Variants in PSMD12 observed in about 807,000 individuals in gnomAD.
PSMD12 encodes the protein proteasome 26S subunit, non-ATPase 12, also known as 26S proteasome non-ATPase regulatory subunit 12.
A neutral mutation model predicts 62.9 loss-of-function variants in PSMD12; 8 were observed. The ratio of observed to expected loss-of-function variants is 0.13; its 90% CI spans 0.07 to 0.23. PSMD12 has a LOEUF of 0.23. Among genes scored for constraint, PSMD12 ranks in the 10% least tolerant of loss-of-function variants. The probability of loss-of-function intolerance (pLI) is 1.00; values close to 1 mark genes in which losing one functional copy is unlikely to be tolerated. For synonymous variants in PSMD12, 173 were observed against 187.4 expected (o/e 0.92, Z 0.63); for missense variants, 424 against 550.2 (o/e 0.77, Z 2.29).
At chr17:67,341,793 C>T (rs141908723) in intron 10 of PSMD12, among the ~76,000 whole-genome samples, 50 of 152,316 alleles carry the variant, frequency 3.3e-4, no homozygotes, top group African/African-American at 1.2e-3. Flanking sequence ...GACTCTGGTA[C>T]TCTCATTCAT....
Position 67,340,357 on chromosome 17 carries a change from C to T in PSMD12, c.*486G>A, listed in dbSNP as rs62085998. 0.22 allele frequency: 34,206 copies of T among 152,354 alleles called. 4,065 individuals are homozygous for T. The highest frequency in any genetic ancestry group is 0.28 in the Middle Eastern group (82 of 290). The allele number at this position is 152,354 out of a possible 1,614,324, so 9.4% of individuals were successfully genotyped here. On this transcript the variant is annotated 3_prime_UTR_variant, in exon 11 of 11. Coordinates refer to ENST00000356126, the MANE Select transcript of PSMD12 (RefSeq NM_002816.5). ...ATTCTTCACAAATCACAACTCTATCCCAAATGTTCTTGTATGCTCTATGTT... is the reference window on the plus strand; with the variant it reads ...ATTCTTCACAAATCACAACTCTATCTCAAATGTTCTTGTATGCTCTATGTT...
At chr17:67,351,067 G>C (rs114492493) in intron 3 of PSMD12, among the ~76,000 whole-genome samples, 1,580 of 152,196 alleles carry the variant, frequency 0.01, 25 homozygotes, top group African/African-American at 0.037. Flanking sequence ...GTTTGATCTA[G>C]ATTTTAAGCA....
At chr17:67,360,201 C>G (rs777167403) in intron 1 of PSMD12, among the ~76,000 whole-genome samples, 3 of 152,194 alleles carry the variant, frequency 2.0e-5, no homozygotes, top group Non-Finnish European at 4.4e-5. Context: ...TATTTAATGA[C>G]AGTCACCCAT....
rs1221186628 is a variant in PSMD12, at chr17:67,342,246, G to T, written c.1101C>A (p.Ala367=). The part of the protein sequence containing the change: ...RVVEHNIRIM[A]KYYTRITMKR... ...TCATTGTTATCCGAGTATAATACTT[G>T]GCCATTATTCTAATATTCTGGGGAG... The change falls in exon 10 of 11, where the codon GCC becomes GCA. Residue 367 remains alanine (A), a synonymous_variant. Transcript: ENST00000356126. The T allele has an allele frequency of 6.3e-7, 1 of 1,581,592 alleles. No individual in the cohort carries two copies.
chr17:67,338,038 CACTT>C lies in PSMD12; in HGVS notation c.*2801_*2804del, dbSNP rs1303830057. 2 of 152,106 alleles carry C rather than the reference CACTT, an allele frequency of 1.3e-5. No individual in the cohort carries two copies. Among genetic ancestry groups the C allele is most frequent in the African/African-American group, 2.4e-5 (1 of 41,424 alleles). 9.4% of individuals were successfully genotyped at this position (152,106 alleles called of 1,614,324 possible). Reference sequence around the variant, plus strand: ...AAATATGTACTTTTATCACATTTAACACTTACAAGAGAGAAAATGGAACTGTTTG... The same window carrying C: ...AAATATGTACTTTTATCACATTTAACACAAGAGAGAAAATGGAACTGTTTG... On this transcript the variant is annotated 3_prime_UTR_variant, in exon 11 of 11. Transcript: ENST00000356126.
intron 1 of PSMD12, among the ~76,000 whole-genome samples, chr17:67,365,948 C>A (rs2042174610): frequency 6.6e-6 from 1 of 152,144 alleles, no homozygotes; most frequent in Non-Finnish European, 1.5e-5. Flanking sequence ...CTGTGTTAGT[C>A]ATCTTCGTAC....
At chr17:67,346,081 T>C (rs1021261402) in intron 7 of PSMD12, among the ~76,000 whole-genome samples, 5 of 151,408 alleles carry the variant, frequency 3.3e-5, no homozygotes, top group Admixed American at 6.6e-5. Context: ...ACCCCATCTC[T>C]ACTAAAAATA....
In PSMD12 at chr17:67,339,711, A is replaced by G. The variant is rs1351867442; in HGVS notation, c.*1132T>C. 3 of 152,188 alleles carry G rather than the reference A, an allele frequency of 2.0e-5. No homozygotes were observed. Among genetic ancestry groups the G allele is most frequent in the African/African-American group, 7.2e-5 (3 of 41,442 alleles). 9.4% of individuals were successfully genotyped at this position (152,188 alleles called of 1,614,324 possible). On this transcript the variant is annotated 3_prime_UTR_variant, in exon 11 of 11. Coordinates refer to ENST00000356126, the MANE Select transcript of PSMD12 (RefSeq NM_002816.5). ...GACCTCACACTTTCTTTATTTAAGT[A>G]TCATTTTAAATAACCTTCTAACATT...
intron 3 of PSMD12, among the ~76,000 whole-genome samples, chr17:67,354,693 T>G (rs1251106405): frequency 6.6e-6 from 1 of 151,962 alleles, no homozygotes; most frequent in Non-Finnish European, 1.5e-5. Flanking sequence ...AAAGGCACAT[T>G]TAAGTAAATT....
At chr17:67,347,048 T>G in intron 7 of PSMD12, 68 bp downstream of exon 7, 1 of 1,481,000 alleles carries the variant, frequency 6.8e-7, no homozygotes, top group Non-Finnish European at 9.1e-7. Context: ...TAAAAAGATT[T>G]GAAAATAAAA....
chr17:67,350,424 C>G (rs1434705163), intron 3 of PSMD12, 88 bp from the exon 4 acceptor site: 2 of 949,788 alleles, frequency 2.1e-6, no homozygotes, highest in African/African-American at 1.7e-5. Context: ...AATGATCGAA[C>G]TTGGTCTTCC....
At chr17:67,364,221 G>A (rs2042159346) in intron 1 of PSMD12, among the ~76,000 whole-genome samples, 1 of 149,338 alleles carries the variant, frequency 6.7e-6, no homozygotes, top group Non-Finnish European at 1.5e-5. Flanking sequence ...TATTCAGCTG[G>A]CACACTGGCT....
chr17:67,355,245 C>T (rs1390982906), intron 3 of PSMD12: 1 of 152,084 alleles, frequency 6.6e-6, no homozygotes, highest in African/African-American at 2.4e-5. Context: ...GCGCCTGCCA[C>T]TACACTCAGC....
At chr17:67,357,957 T>C (rs1344710136) in intron 1 of PSMD12, among the ~76,000 whole-genome samples, 1 of 151,796 alleles carries the variant, frequency 6.6e-6, no homozygotes, top group Non-Finnish European at 1.5e-5. Context: ...AGTCTCACTC[T>C]TTCACCCAGG....
chr17:67,345,886 C>T, intron 7 of PSMD12, 29 bp from the exon 8 acceptor site: 1 of 1,535,434 alleles, frequency 6.5e-7, no homozygotes, highest in Non-Finnish European at 9.0e-7. Context: ...AAGTTATATG[C>T]AAGACTGGAC....
At chr17:67,344,456 G>T in intron 9 of PSMD12, 150 bp downstream of exon 9, 1 of 743,344 alleles carries the variant, frequency 1.3e-6, no homozygotes, top group South Asian at 2.4e-5. Context: ...CCTAAGTGAA[G>T]AATTAAACAC....
chr17:67,338,533 A>T lies in PSMD12; in HGVS notation c.*2310T>A, dbSNP rs1414776029. On this transcript the variant is annotated 3_prime_UTR_variant, in exon 11 of 11. Coordinates refer to ENST00000356126, the MANE Select transcript of PSMD12 (RefSeq NM_002816.5). ...TACAAATAGCACTGAATCATAATAC[A>T]CAAAGAGCCTAGTGTGTGTTAAAGA... 6.6e-6 allele frequency: 1 copy of T among 152,204 alleles called. No homozygotes were observed. Among genetic ancestry groups the T allele is most frequent in the African/African-American group, 2.4e-5 (1 of 41,438 alleles). The allele number at this position is 152,204 out of a possible 1,614,324, so 9.4% of individuals were successfully genotyped here.
intron 9 of PSMD12, among the ~76,000 whole-genome samples, chr17:67,343,668 C>G (rs2041936454): frequency 6.6e-6 from 1 of 152,090 alleles, no homozygotes; most frequent in East Asian, 1.9e-4. Context: ...ACGTCTTTCC[C>G]TATAATTTTT....
chr17:67,365,060 T>C (rs2042166418), intron 1 of PSMD12, among the ~76,000 whole-genome samples: 1 of 152,002 alleles, frequency 6.6e-6, no homozygotes, highest in Non-Finnish European at 1.5e-5. Context: ...TGGTGGCACC[T>C]GTAGTCCTAG....
Sources: allele counts gnomAD v4.1 joint callset (sites outside exome capture counted in the v4.1 genomes callset), GRCh38; gene constraint gnomAD v4.1.1; transcripts MANE v1.5; gene names NCBI Gene and HGNC (gene_info 2026-07-23, HGNC 2026-07-21).